Variants in ARHGAP31 observed in about 807,000 individuals in gnomAD.
The protein encoded by ARHGAP31 is Rho GTPase activating protein 31.
Under a neutral mutation model 113.9 loss-of-function variants are expected in ARHGAP31, and 34 were observed. The observed-to-expected ratio is 0.30, with a 90% CI of 0.23 to 0.40. The LOEUF (loss-of-function observed/expected upper bound fraction) is 0.40. Among genes scored for constraint, ARHGAP31 ranks in the 10% least tolerant of loss-of-function variants. The probability of loss-of-function intolerance (pLI) is 1.00; values close to 1 mark genes in which losing one functional copy is unlikely to be tolerated. For missense variants in ARHGAP31, 1,548 were observed against 1,767.1 expected (o/e 0.88, Z 2.22); for synonymous variants, 650 against 684.8 (o/e 0.95, Z 0.79).
In ARHGAP31 at chr3:119,381,071, A is replaced by T. The variant is rs1050458654; in HGVS notation, c.431+85A>T. On this transcript the variant is annotated intron_variant, in intron 4 of 11. Transcript: ENST00000264245. ...CAGGCTGGCATCATGGAAAGGAAAC[A>T]ATGTGTGGACAGTAGCAAGTTTAGG... 22 of 1,350,680 alleles carry T rather than the reference A, an allele frequency of 1.6e-5. No individual in the cohort carries two copies. The East Asian group carries it at 4.9e-4, about 30-fold the overall frequency. 83.7% of individuals were successfully genotyped at this position (1,350,680 alleles called of 1,614,324 possible).
intron 3 of ARHGAP31, among the ~76,000 whole-genome samples, chr3:119,370,133 TG>T (rs1231193290): frequency 1.3e-5 from 2 of 152,180 alleles, no homozygotes; most frequent in Non-Finnish European, 2.9e-5. Context: ...ATGGGTAAGT[TG>T]TAAATAATGG....
chr3:119,309,689 G>C (rs914735058), intron 1 of ARHGAP31, among the ~76,000 whole-genome samples: 2 of 152,068 alleles, frequency 1.3e-5, no homozygotes, highest in African/African-American at 4.8e-5. Flanking sequence ...GAGCCCAGGA[G>C]GTCAAAGCCG....
At chr3:119,296,120 T>C (rs2079531941) in intron 1 of ARHGAP31, among the ~76,000 whole-genome samples, 8 of 152,206 alleles carry the variant, frequency 5.3e-5, no homozygotes, top group Admixed American at 5.2e-4. Flanking sequence ...TTAGTCCATA[T>C]CGAATATGCA....
At chr3:119,358,571 A>T (rs1223192082) in intron 1 of ARHGAP31, among the ~76,000 whole-genome samples, 1 of 152,232 alleles carries the variant, frequency 6.6e-6, no homozygotes, top group African/African-American at 2.4e-5. Context: ...CAATATTCCT[A>T]ATAGCAAAAA....
intron 1 of ARHGAP31, among the ~76,000 whole-genome samples, chr3:119,320,040 C>T (rs1368197355): frequency 6.6e-6 from 1 of 152,222 alleles, no homozygotes; most frequent in African/African-American, 2.4e-5. Flanking sequence ...CTACATCTAC[C>T]CCACAGAGAG....
intron 10 of ARHGAP31, among the ~76,000 whole-genome samples, chr3:119,403,272 C>T (rs1370821333): frequency 6.6e-6 from 1 of 152,218 alleles, no homozygotes; most frequent in Non-Finnish European, 1.5e-5. Flanking sequence ...CATTTCTCCC[C>T]TCTATCCTAT....
intron 1 of ARHGAP31, among the ~76,000 whole-genome samples, chr3:119,338,306 T>C (rs1255752774): frequency 6.6e-6 from 1 of 152,224 alleles, no homozygotes; most frequent in Admixed American, 6.5e-5. Context: ...TGGACTCAAC[T>C]AAGTGTTCAT....
intron 1 of ARHGAP31, chr3:119,341,811 A>C (rs1024936784): frequency 1.3e-5 from 2 of 151,462 alleles, no homozygotes; most frequent in Non-Finnish European, 2.9e-5. Flanking sequence ...GGTCTGCCAG[A>C]CATCCTCTCA....
chr3:119,399,022 C>T (rs2080576270), intron 8 of ARHGAP31, among the ~76,000 whole-genome samples, 177 bp from the exon 9 acceptor site: 1 of 152,132 alleles, frequency 6.6e-6, no homozygotes, highest in East Asian at 1.9e-4. Flanking sequence ...AGGTCTGTCG[C>T]ATTAAGAAAG....
chr3:119,343,068 A>C (rs1446296319), intron 1 of ARHGAP31, among the ~76,000 whole-genome samples: 1 of 152,260 alleles, frequency 6.6e-6, no homozygotes, highest in African/African-American at 2.4e-5. Context: ...ATATATAAAC[A>C]TGTCAGAACA....
rs774983150 is a variant in ARHGAP31, at chr3:119,397,946, C to A, written c.1007-1253C>A. Among the ~76,000 whole-genome samples, 6 of 152,182 alleles carry A rather than the reference C, an allele frequency of 3.9e-5. 1 individual carries two copies. Among genetic ancestry groups the A allele is most frequent in the South Asian group, 2.1e-4 (1 of 4,828 alleles). On this transcript the variant is annotated intron_variant, in intron 8 of 11. Coordinates refer to ENST00000264245, the MANE Select transcript of ARHGAP31 (RefSeq NM_020754.4). ...CAATATAATTACCTTATAGCCATTA[C>A]CCATTTAATCCTCACAACAACTCTA...
intron 11 of ARHGAP31, among the ~76,000 whole-genome samples, chr3:119,411,656 G>A (rs764686032): frequency 4.6e-5 from 7 of 152,162 alleles, no homozygotes; most frequent in South Asian, 2.1e-4. Flanking sequence ...AGCTGTCCCC[G>A]CTCCGAAGGA....
chr3:119,398,835 C>T (rs1040114149), intron 8 of ARHGAP31, among the ~76,000 whole-genome samples: 1 of 152,186 alleles, frequency 6.6e-6, no homozygotes, highest in Non-Finnish European at 1.5e-5. Flanking sequence ...CTGCTGAATA[C>T]GAAGAATGCC....
At chr3:119,339,755 A>T (rs1217818635) in intron 1 of ARHGAP31, among the ~76,000 whole-genome samples, 1 of 152,240 alleles carries the variant, frequency 6.6e-6, no homozygotes, top group Non-Finnish European at 1.5e-5. Flanking sequence ...TACACTTTAC[A>T]CCTTATATAA....
At chr3:119,346,250 C>T (rs2080056035) in intron 1 of ARHGAP31, among the ~76,000 whole-genome samples, 1 of 152,240 alleles carries the variant, frequency 6.6e-6, no homozygotes, top group Non-Finnish European at 1.5e-5. Flanking sequence ...CTACTGCAAG[C>T]CTACACCCTC....
At chr3:119,320,657 C>G (rs1050726878) in intron 1 of ARHGAP31, among the ~76,000 whole-genome samples, 2 of 152,208 alleles carry the variant, frequency 1.3e-5, no homozygotes, top group Admixed American at 1.3e-4. Flanking sequence ...TGCCCACAAA[C>G]CAGCAAGTCC....
chr3:119,375,368 G>T (rs191099971), intron 3 of ARHGAP31, among the ~76,000 whole-genome samples: 1 of 152,128 alleles, frequency 6.6e-6, no homozygotes, highest in Admixed American at 6.6e-5. Flanking sequence ...CCTCACTCCT[G>T]TCTCTGCCTC....
rs186621177 is a variant in ARHGAP31 at position 119,414,288 on chromosome 3, C to T, written c.2359C>T (p.Pro787Ser). ...TCCTCCACTCCCACCTGCTCCTCCC[C>T]CTCCAACTCCTCTGGAGGAGTCAAC... Reference protein sequence around the residue: ...LSPPLPPAPPPPTPLEESTPV... With the variant: ...LSPPLPPAPPSPTPLEESTPV... The change falls in exon 12 of 12, where the codon CCT (proline) becomes TCT (serine). Residue 787 changes from proline (P) to serine (S), a missense_variant. Transcript: ENST00000264245. The T allele has an allele frequency of 2.7e-4, 435 of 1,614,194 alleles. 6 individuals carry two copies. The East Asian group carries it at 9.6e-3, about 36-fold the overall frequency.
chr3:119,386,938 C>A (rs1192317669), intron 6 of ARHGAP31, among the ~76,000 whole-genome samples: 1 of 152,172 alleles, frequency 6.6e-6, no homozygotes, highest in East Asian at 1.9e-4. Context: ...GAAGGCAGAG[C>A]CAGGTGTACA....
Sources: allele counts gnomAD v4.1 joint callset (sites outside exome capture counted in the v4.1 genomes callset), GRCh38; gene constraint gnomAD v4.1.1; transcripts MANE v1.5; gene names NCBI Gene and HGNC (gene_info 2026-07-23, HGNC 2026-07-21).